The following FBN1 variants were observed in gnomAD, a reference collection of about 807,000 sequenced individuals.
FBN1 encodes fibrillin 1.
Under a neutral mutation model 365.1 loss-of-function variants are expected in FBN1, and 29 were observed. That is an observed-to-expected ratio of 0.08 (90% CI 0.06 to 0.11). The LOEUF is 0.11. Among genes scored for constraint, FBN1 ranks in the 10% least tolerant of loss-of-function variants. The pLI is 1.00. For synonymous variants in FBN1, 1,210 were observed against 1,270.5 expected, an observed-to-expected ratio of 0.95 and a Z score of 1.01; for missense variants, 2,476 against 3,703.2, an observed-to-expected ratio of 0.67 and a Z score of 8.60.
chr15:48,495,789 G>T (rs1200153773), intron 20 of FBN1, among the ~76,000 whole-genome samples: 2 of 152,090 alleles, frequency 1.3e-5, no homozygotes, highest in Admixed American at 6.5e-5. Flanking sequence ...TATAGAATAC[G>T]GGACTTGGCT....
intron 45 of FBN1, among the ~76,000 whole-genome samples, chr15:48,451,518 TA>T (rs1359836653): frequency 2.0e-5 from 3 of 152,124 alleles, no homozygotes; most frequent in Non-Finnish European, 4.4e-5. Context: ...CAAGGTCTCA[TA>T]AAACAATGCA....
intron 6 of FBN1, among the ~76,000 whole-genome samples, chr15:48,563,606 G>A (rs910230290): frequency 8.5e-5 from 13 of 152,174 alleles, no homozygotes; most frequent in Admixed American, 2.6e-4. Context: ...TGTAAGTTAT[G>A]TGTATTTAGC....
chr15:48,611,220 C>T (rs1188082518), intron 3 of FBN1, among the ~76,000 whole-genome samples: 1 of 152,026 alleles, frequency 6.6e-6, no homozygotes, highest in Non-Finnish European at 1.5e-5. Context: ...ATAAAAATTA[C>T]ATTATTACTC....
chr15:48,634,856 ACCAC>A (rs1261582982), intron 2 of FBN1, among the ~76,000 whole-genome samples: 2 of 86,404 alleles, frequency 2.3e-5, no homozygotes, highest in African/African-American at 1.7e-4. Context: ...AAAAAAAAAA[ACCAC>A]ACACACACAC....
At position 48,461,500 on chromosome 15, in the gene FBN1, C is replaced by G. The variant is rs866323176; in HGVS notation, c.5225-1183G>C. 6.6e-5 allele frequency among the ~76,000 whole-genome samples: 10 copies of G among 152,192 alleles called. No homozygotes were observed. The South Asian group carries it at 1.9e-3, about 28-fold the overall frequency. ...ATTTTGTGTACACTTTATATTAGAA[C>G]AGCTCAGAAAAATAATAAATGTATT... On this transcript the variant is annotated intron_variant, in intron 42 of 65. Transcript: ENST00000316623.
chr15:48,583,259 T>G (rs977976181), intron 6 of FBN1, among the ~76,000 whole-genome samples: 4 of 152,236 alleles, frequency 2.6e-5, no homozygotes, highest in African/African-American at 9.6e-5. Flanking sequence ...CAGCATAACA[T>G]CACACCTTTT....
rs2043517714 is a variant in FBN1 at position 48,487,373 on chromosome 15, T to A, written c.3402A>T (p.Gly1134=). ...CRGGVCHNTE[G]SYRCECPPGH... ...CAGGCGGGCATTCACAGCGGTAACT[T>A]CCCTCTGTGTTATGGCAAACACCAC... Residue 1134 remains glycine (G), a synonymous_variant, in exon 28 of 66, where the codon GGA becomes GGT. Transcript: ENST00000316623. 4 of 1,614,146 alleles carry A rather than the reference T, an allele frequency of 2.5e-6. No individual in the cohort carries two copies. The highest frequency in any genetic ancestry group is 3.4e-6 in the Non-Finnish European group (4 of 1,180,030).
chr15:48,600,340 AT>A (rs2044552560), intron 4 of FBN1, 106 bp from the exon 5 acceptor site: 6 of 780,710 alleles, frequency 7.7e-6, no homozygotes, highest in Non-Finnish European at 1.3e-5. Context: ...CAAATAGCTT[AT>A]CAGGATTCAT....
intron 50 of FBN1, among the ~76,000 whole-genome samples, chr15:48,439,490 T>C (rs2043097008): frequency 6.6e-6 from 1 of 152,258 alleles, no homozygotes; most frequent in African/African-American, 2.4e-5. Flanking sequence ...CTTCAAGTTC[T>C]TTGTCACATA....
intron 2 of FBN1, chr15:48,643,653 C>T (rs1890238003): frequency 1.3e-5 from 2 of 152,168 alleles, no homozygotes; most frequent in South Asian, 2.1e-4. Context: ...AGAGCATCAG[C>T]GAGAATGGTA....
At position 48,446,708 on chromosome 15, in the gene FBN1, A is replaced by G. The variant is rs750411851; in HGVS notation, c.5786T>C (p.Ile1929Thr). 6.2e-7 allele frequency: 1 copy of G among 1,601,026 alleles called. No individual in the cohort carries two copies. Among genetic ancestry groups the G allele is most frequent in the Admixed American group, 1.7e-5 (1 of 59,960 alleles). ...GFILSHNNDC[I>T]DVDECASGNG... The stretch of plus-strand genomic sequence containing the variant: ...GATGCACAATTTTGCACACGCACCT[A>G]TACAGTCATTGTTGTGAGAAAGGAT... Residue 1929 changes from isoleucine (I) to threonine (T), a missense_variant and splice_region_variant, in exon 47 of 66, where the codon ATA becomes ACA. Ile to Thr is a moderately conservative substitution (Grantham distance 89). Coordinates refer to ENST00000316623, the MANE Select transcript of FBN1 (RefSeq NM_000138.5).
At chr15:48,610,675 A>G in intron 4 of FBN1, 53 bp downstream of exon 4, 1 of 1,351,700 alleles carries the variant, frequency 7.4e-7, no homozygotes, top group Admixed American at 1.8e-5. Context: ...TTAGGAGAAA[A>G]TGGGGTATAA....
intron 2 of FBN1, among the ~76,000 whole-genome samples, chr15:48,613,454 T>C (rs1325429013): frequency 6.6e-6 from 1 of 152,154 alleles, no homozygotes; most frequent in Non-Finnish European, 1.5e-5. Flanking sequence ...TAAAATCTAA[T>C]GCACATAAGA....
chr15:48,630,483 C>T (rs913165208), intron 2 of FBN1, among the ~76,000 whole-genome samples: 32 of 152,118 alleles, frequency 2.1e-4, no homozygotes. Flanking sequence ...ACCCTGCTGT[C>T]TTCTGTCAAA....
At chr15:48,486,967 G>T in intron 29 of FBN1, 108 bp downstream of exon 29, 1 of 864,070 alleles carries the variant, frequency 1.2e-6, no homozygotes, top group Non-Finnish European at 1.6e-6. Context: ...AGAGTACATA[G>T]AGTGTTTTAG....
chr15:48,516,888 G>A (rs1300846063), intron 10 of FBN1, among the ~76,000 whole-genome samples: 1 of 152,102 alleles, frequency 6.6e-6, no homozygotes, highest in Non-Finnish European at 1.5e-5. Flanking sequence ...TGTCCGGATG[G>A]GGGAGTCAGT....
At chr15:48,580,587 G>A (rs547779304) in intron 6 of FBN1, among the ~76,000 whole-genome samples, 1 of 152,114 alleles carries the variant, frequency 6.6e-6, no homozygotes, top group South Asian at 2.1e-4. Flanking sequence ...AGGAAGGCAT[G>A]GGAAAAAAAG....
At chr15:48,610,622 G>T in intron 4 of FBN1, 106 bp downstream of exon 4, 1 of 830,242 alleles carries the variant, frequency 1.2e-6, no homozygotes, top group Non-Finnish European at 2.0e-6. Context: ...AGATGTTCTA[G>T]TGAAAAAATG....
intron 10 of FBN1, among the ~76,000 whole-genome samples, chr15:48,520,008 G>C (rs192026716): frequency 7.9e-5 from 12 of 152,232 alleles, no homozygotes; most frequent in Admixed American, 7.2e-4. Flanking sequence ...CATTCATTGT[G>C]TACAACATGG....
Sources: allele counts gnomAD v4.1 joint callset (sites outside exome capture counted in the v4.1 genomes callset), GRCh38; gene constraint gnomAD v4.1.1; transcripts MANE v1.5; gene names NCBI Gene and HGNC (gene_info 2026-07-23, HGNC 2026-07-21).